APELA: variants seen among roughly 807,000 people sequenced by gnomAD.
APELA encodes the protein apelin receptor early endogenous ligand.
At chr4:164,880,431 A>T (rs1302259364) in intron 2 of APELA, among the ~76,000 whole-genome samples, 1 of 152,228 alleles carries the variant, frequency 6.6e-6, no homozygotes, top group African/African-American at 2.4e-5. Flanking sequence ...AGAAAGATAC[A>T]GTAGGAGGTT....
chr4:164,884,155 G>GAAAC (rs1730722253), intron 2 of APELA, among the ~76,000 whole-genome samples: 2 of 148,746 alleles, frequency 1.3e-5, no homozygotes, highest in African/African-American at 5.1e-5. Flanking sequence ...AAGAAAGAAA[G>GAAAC]AAAGGAGAAG....
At chr4:164,893,564 T>G (rs1433483572) in intron 2 of APELA, among the ~76,000 whole-genome samples, 1 of 152,150 alleles carries the variant, frequency 6.6e-6, no homozygotes, top group Non-Finnish European at 1.5e-5. Flanking sequence ...ATGTCATTCT[T>G]TGTCTCTAGT....
At chr4:164,887,378 T>C (rs1421677845) in intron 2 of APELA, among the ~76,000 whole-genome samples, 1 of 152,104 alleles carries the variant, frequency 6.6e-6, no homozygotes, top group Non-Finnish European at 1.5e-5. Context: ...TTCTTAGGAA[T>C]TTCAAGCTGT....
At chr4:164,894,261 G>T (rs1323583770) in intron 2 of APELA, among the ~76,000 whole-genome samples, 2 of 152,044 alleles carry the variant, frequency 1.3e-5, no homozygotes, top group Non-Finnish European at 2.9e-5. Flanking sequence ...GGAAGTGAAG[G>T]TTGTGGTGAG....
rs931692438 is a variant in APELA at position 164,897,343 on chromosome 4, T to A, written c.*1929T>A. Reference sequence around the variant, plus strand: ...TATGTTTAAAACATGTACTGGTTTGTATATTTTGTACTGAAAAAGAAAACA... The same window carrying A: ...TATGTTTAAAACATGTACTGGTTTGAATATTTTGTACTGAAAAAGAAAACA... On this transcript the variant is annotated 3_prime_UTR_variant, in exon 3 of 3. Transcript: ENST00000507152. 31 of 152,332 alleles carry A rather than the reference T, an allele frequency of 2.0e-4. No individual in the cohort carries two copies. The highest frequency in any genetic ancestry group is 4.6e-4 in the Admixed American group (7 of 15,296). 9.4% of individuals were successfully genotyped at this position (152,332 alleles called of 1,614,324 possible). A position where few individuals can be genotyped will look rare whatever the true frequency, so the allele number is the denominator to read the frequency against.
At chr4:164,898,839 C>T (rs1434371126), downstream of APELA, 1 of 152,160 alleles carries the variant, frequency 6.6e-6, no homozygotes, top group Non-Finnish European at 1.5e-5. Context: ...ATCATTTTTA[C>T]CCTCTGTTTA....
intron 2 of APELA, among the ~76,000 whole-genome samples, chr4:164,889,897 T>C (rs1012686912): frequency 6.6e-6 from 1 of 152,204 alleles, no homozygotes; most frequent in African/African-American, 2.4e-5. Context: ...TTATAAGTAA[T>C]CTGCAAACAA....
Position 164,896,956 on chromosome 4 carries a change from G to A in APELA, c.*1542G>A, listed in dbSNP as rs1730987896. The A allele has an allele frequency of 2.0e-5, 3 of 151,928 alleles. No individual in the cohort carries two copies. The highest frequency in any genetic ancestry group is 7.3e-5 in the African/African-American group (3 of 41,324). 9.4% of individuals were successfully genotyped at this position (151,928 alleles called of 1,614,324 possible). Reference sequence around the variant, plus strand: ...ACCTGACTAATTTTTGTATTTTTTTGTAGAGATGGAGTATCGCCATGTTGC... The same window carrying A: ...ACCTGACTAATTTTTGTATTTTTTTATAGAGATGGAGTATCGCCATGTTGC... On this transcript the variant is annotated 3_prime_UTR_variant, in exon 3 of 3. Coordinates refer to ENST00000507152, the MANE Select transcript of APELA (RefSeq NM_001297550.2).
chr4:164,886,719 T>A (rs1730778669), intron 2 of APELA, among the ~76,000 whole-genome samples: 1 of 152,190 alleles, frequency 6.6e-6, no homozygotes, highest in African/African-American at 2.4e-5. Flanking sequence ...AATGCATAAA[T>A]ATAGTGATGT....
At chr4:164,886,107 A>G (rs982877182) in intron 2 of APELA, among the ~76,000 whole-genome samples, 2 of 152,108 alleles carry the variant, frequency 1.3e-5, no homozygotes, top group Non-Finnish European at 2.9e-5. Context: ...GATTTTTATC[A>G]GTATTGAAAT....
intron 2 of APELA, among the ~76,000 whole-genome samples, chr4:164,887,670 G>A (rs182351399): frequency 4.0e-5 from 6 of 151,512 alleles, no homozygotes; most frequent in African/African-American, 1.2e-4. Context: ...GGATTGCAAT[G>A]GTTCCATCTC....
intron 2 of APELA, among the ~76,000 whole-genome samples, chr4:164,887,029 T>G (rs1264975369): frequency 6.6e-6 from 1 of 152,108 alleles, no homozygotes. Context: ...GGTTTCACCA[T>G]GTTGGCCAAG....
chr4:164,885,562 G>A lies in APELA; in HGVS notation c.*1+6553G>A, dbSNP rs538834190. ...TCGAGACCAGCCTGACCAACACAGT[G>A]AAATGCCATCTCTACTGAAAATACA... On this transcript the variant is annotated intron_variant, in intron 2 of 2. Coordinates refer to ENST00000507152, the MANE Select transcript of APELA (RefSeq NM_001297550.2). Among the ~76,000 whole-genome samples, 64 of 152,126 alleles carry A rather than the reference G, an allele frequency of 4.2e-4. No individual in the cohort carries two copies. The East Asian group carries it at 8.0e-3, about 19-fold the overall frequency.
At chr4:164,890,647 GATGAAC>G (rs1730862139) in intron 2 of APELA, among the ~76,000 whole-genome samples, 1 of 152,158 alleles carries the variant, frequency 6.6e-6, no homozygotes, top group South Asian at 2.1e-4. Flanking sequence ...GTCACCTATT[GATGAAC>G]ATTTGGGTTA....
Position 164,889,819 on chromosome 4 carries a change from C to T in APELA, c.*2-5597C>T, listed in dbSNP as rs112419695. Among the ~76,000 whole-genome samples, 1,068 of 152,266 alleles carry T rather than the reference C, an allele frequency of 7.0e-3. 6 individuals are homozygous for T. The highest frequency in any genetic ancestry group is 0.019 in the African/African-American group (798 of 41,566). ...GTACTGAACATGTTCAAACTTTTTTCCTTGTCTTTATTCCCTAAACAATAC... is the reference window on the plus strand; with the variant it reads ...GTACTGAACATGTTCAAACTTTTTTTCTTGTCTTTATTCCCTAAACAATAC... On this transcript the variant is annotated intron_variant, in intron 2 of 2. Coordinates refer to ENST00000507152, the MANE Select transcript of APELA (RefSeq NM_001297550.2).
intron 2 of APELA, among the ~76,000 whole-genome samples, chr4:164,890,299 C>A (rs1730855074): frequency 6.6e-6 from 1 of 152,032 alleles, no homozygotes; most frequent in Admixed American, 6.6e-5. Flanking sequence ...AATTTAATGG[C>A]TTTTACTATA....
intron 2 of APELA, among the ~76,000 whole-genome samples, chr4:164,884,111 A>C (rs959487338): frequency 2.2e-5 from 1 of 46,222 alleles, no homozygotes; most frequent in Non-Finnish European, 4.5e-5. Context: ...GAATGAAAGA[A>C]AGAAAGAAAG....
At chr4:164,898,643 A>T (rs1165344449), downstream of APELA, 1 of 152,244 alleles carries the variant, frequency 6.6e-6, no homozygotes, top group Non-Finnish European at 1.5e-5. Flanking sequence ...GGGTTGAGTC[A>T]GTGAATAGAC....
chr4:164,898,998 A>G (rs1054918637), downstream of APELA: 1 of 152,176 alleles, frequency 6.6e-6, no homozygotes, highest in South Asian at 2.1e-4. Context: ...AATTTTAGAT[A>G]AACACAGGAT....
Sources: gnomAD v4.1 joint callset for allele counts (sites outside exome capture counted in the v4.1 genomes callset) on GRCh38, gnomAD v4.1.1 for gene constraint, MANE v1.5 for transcripts, NCBI Gene and HGNC (gene_info 2026-07-23, HGNC 2026-07-21) for gene names.